NCKAP5: variants seen among roughly 807,000 people sequenced by gnomAD.
NCKAP5 encodes nck-associated protein 5.
In NCKAP5, 92 loss-of-function variants were observed where a neutral mutation model predicts 167.0. The observed-to-expected ratio is 0.55, with a 90% CI of 0.47 to 0.66. The LOEUF (loss-of-function observed/expected upper bound fraction) is 0.66, where lower values mean the gene tolerates loss of function less well. Ranked by LOEUF, NCKAP5 falls within the 30% of genes least tolerant of loss-of-function variation. The pLI, the probability that NCKAP5 is intolerant of heterozygous loss-of-function variation, is 0.00. For synonymous variants in NCKAP5, 891 were observed against 877.4 expected (o/e 1.02, Z -0.27); for missense variants, 2,378 against 2,315.0 (o/e 1.03, Z -0.56).
At chr2:132,822,452 G>T (rs1686820929) in intron 11 of NCKAP5, among the ~76,000 whole-genome samples, 2 of 152,162 alleles carry the variant, frequency 1.3e-5, no homozygotes, top group Non-Finnish European at 2.9e-5. Context: ...ACCCAGAAGA[G>T]CAACAACAGT....
chr2:133,601,133 G>C, the NCKAP5 span, among the ~76,000 whole-genome samples: 1 of 152,190 alleles, frequency 6.6e-6, no homozygotes, highest in East Asian at 1.9e-4. Context: ...CCTCCCAGGG[G>C]AGTCCAACTG....
chr2:133,616,090 T>C, the NCKAP5 span, among the ~76,000 whole-genome samples: 1 of 151,586 alleles, frequency 6.6e-6, no homozygotes. Context: ...ATAAAGATGT[T>C]CTTTGAAACC....
chr2:132,945,533 T>G (rs1378949772), intron 8 of NCKAP5, among the ~76,000 whole-genome samples: 2 of 151,660 alleles, frequency 1.3e-5, no homozygotes, highest in African/African-American at 4.8e-5. Flanking sequence ...TCATATCCTA[T>G]CAGCTGGATG....
chr2:133,196,278 G>A lies in NCKAP5; in HGVS notation c.207+17438C>T, dbSNP rs189779743. 1.8e-3 allele frequency among the ~76,000 whole-genome samples: 267 copies of A among 152,222 alleles called. 2 individuals are homozygous for A. Among genetic ancestry groups the A allele is most frequent in the African/African-American group, 5.9e-3 (243 of 41,538 alleles). The stretch of plus-strand genomic sequence containing the variant: ...CATTGAAAGCTAAGAGCAGGGAACA[G>A]GAACCCCTGAGGTATATATCTGGGC... On this transcript the variant is annotated intron_variant, in intron 5 of 19. Coordinates refer to ENST00000409261, the MANE Select transcript of NCKAP5 (RefSeq NM_207363.3).
At chr2:133,613,116 T>G in the NCKAP5 span, among the ~76,000 whole-genome samples, 3 of 152,186 alleles carry the variant, frequency 2.0e-5, no homozygotes, top group Non-Finnish European at 4.4e-5. Flanking sequence ...ATTTCCTCCT[T>G]ACCTCTCCAA....
intron 6 of NCKAP5, among the ~76,000 whole-genome samples, chr2:133,039,434 C>T (rs907440476): frequency 7.2e-5 from 11 of 152,306 alleles, no homozygotes; most frequent in African/African-American, 2.2e-4. Context: ...ACCATCAGCA[C>T]ATCCATGCAG....
At chr2:133,491,562 C>CA (rs1681445245) in intron 3 of NCKAP5, among the ~76,000 whole-genome samples, 1 of 152,120 alleles carries the variant, frequency 6.6e-6, no homozygotes, top group Non-Finnish European at 1.5e-5. Context: ...TTCAAAACAC[C>CA]ATCTCTATTC....
At chr2:133,242,866 G>C (rs1316708408) in intron 4 of NCKAP5, among the ~76,000 whole-genome samples, 1 of 152,120 alleles carries the variant, frequency 6.6e-6, no homozygotes, top group Non-Finnish European at 1.5e-5. Context: ...CTACATGATA[G>C]AGTACTTTGT....
intron 6 of NCKAP5, among the ~76,000 whole-genome samples, chr2:133,106,517 A>G (rs546770895): frequency 6.6e-6 from 1 of 152,262 alleles, no homozygotes; most frequent in South Asian, 2.1e-4. Flanking sequence ...TCCACTCTCC[A>G]GAGGAGAGAT....
At chr2:133,080,265 A>G (rs1359999054) in intron 6 of NCKAP5, among the ~76,000 whole-genome samples, 1 of 152,176 alleles carries the variant, frequency 6.6e-6, no homozygotes, top group African/African-American at 2.4e-5. Context: ...GTAAGCATCA[A>G]AACATCAGTG....
chr2:133,654,927 G>T, the NCKAP5 span, among the ~76,000 whole-genome samples: 2 of 152,192 alleles, frequency 1.3e-5, no homozygotes, highest in African/African-American at 4.8e-5. Flanking sequence ...GAAGCTGGAG[G>T]CTTGGCAATT....
chr2:132,781,210 G>T lies in NCKAP5; in HGVS notation c.4891C>A (p.Pro1631Thr). ...TTACTTGATCCACTTTCTGTCTGTG[G>T]AGCTGCTTTCTTATCAACTCTGCAG... The part of the protein sequence containing the change: ...LLNRVDKKAA[P>T]QTESGSSNAS... The change falls in exon 15 of 20, where the codon CCA becomes ACA. Residue 1631 changes from proline (P) to threonine (T), a missense_variant. Coordinates refer to ENST00000409261, the MANE Select transcript of NCKAP5 (RefSeq NM_207363.3). 6.2e-7 allele frequency: 1 copy of T among 1,613,634 alleles called. No homozygotes were observed. The highest frequency in any genetic ancestry group is 1.1e-5 in the South Asian group (1 of 91,010).
intron 6 of NCKAP5, among the ~76,000 whole-genome samples, chr2:133,001,147 A>C (rs1358442137): frequency 6.6e-6 from 1 of 151,976 alleles, no homozygotes; most frequent in Non-Finnish European, 1.5e-5. Flanking sequence ...AAAAAAGAGA[A>C]CTGTAAACAC....
At chr2:133,057,014 T>C (rs888436051) in intron 6 of NCKAP5, among the ~76,000 whole-genome samples, 3 of 152,202 alleles carry the variant, frequency 2.0e-5, no homozygotes, top group Non-Finnish European at 2.9e-5. Flanking sequence ...GTGCAATATT[T>C]CAAACTTTTT....
rs76416672 is a variant in NCKAP5 at position 133,125,381 on chromosome 2, T to C, written c.341+4597A>G. 3.3e-3 allele frequency among the ~76,000 whole-genome samples: 508 copies of C among 152,276 alleles called. 5 individuals carry two copies. The highest frequency in any genetic ancestry group is 0.012 in the African/African-American group (482 of 41,554). On this transcript the variant is annotated intron_variant, in intron 6 of 19. Coordinates refer to ENST00000409261, the MANE Select transcript of NCKAP5 (RefSeq NM_207363.3). The stretch of plus-strand genomic sequence containing the variant: ...TAAATCCAGGGGTCCAAACAGTGAT[T>C]GTCTTTACATACAAGGGAAGACAGT...
intron 16 of NCKAP5, among the ~76,000 whole-genome samples, chr2:132,768,375 A>G (rs1217942196): frequency 6.6e-6 from 1 of 152,228 alleles, no homozygotes; most frequent in African/African-American, 2.4e-5. Flanking sequence ...ATGGTATTTG[A>G]ATTCCTACTA....
intron 3 of NCKAP5, among the ~76,000 whole-genome samples, chr2:133,385,627 A>T (rs1214275914): frequency 1.3e-5 from 2 of 152,202 alleles, no homozygotes; most frequent in Non-Finnish European, 2.9e-5. Flanking sequence ...GAATGGTACC[A>T]GCCCCTCCTT....
chr2:132,873,509 C>T (rs961806172), intron 9 of NCKAP5, among the ~76,000 whole-genome samples: 5 of 152,172 alleles, frequency 3.3e-5, no homozygotes, highest in African/African-American at 1.2e-4. Context: ...ACATAATATA[C>T]ATGTATAAAT....
chr2:132,955,234 A>G (rs2076303686), intron 8 of NCKAP5, among the ~76,000 whole-genome samples: 1 of 152,222 alleles, frequency 6.6e-6, no homozygotes, highest in Non-Finnish European at 1.5e-5. Context: ...AAGGAGACAA[A>G]GCCAAACTTG....
Sources: allele counts gnomAD v4.1 joint callset (sites outside exome capture counted in the v4.1 genomes callset), GRCh38; gene constraint gnomAD v4.1.1; transcripts MANE v1.5; gene names NCBI Gene and HGNC (gene_info 2026-07-23, HGNC 2026-07-21).